CEP57L1: variants seen among roughly 807,000 people sequenced by gnomAD.
CEP57L1 encodes the protein centrosomal protein CEP57L1.
CEP57L1 carries 37 observed loss-of-function variants against 61.0 expected under a neutral mutation model. The observed-to-expected ratio is 0.61, with a 90% confidence interval of 0.47 to 0.80. The LOEUF is 0.80. Ranked by LOEUF, CEP57L1 falls within the 30% of genes least tolerant of loss-of-function variation. The pLI, the probability that CEP57L1 is intolerant of heterozygous loss-of-function variation, is 0.00. For synonymous variants in CEP57L1, 137 were observed against 162.3 expected, an observed-to-expected ratio of 0.84 and a Z score of 1.19; for missense variants, 422 against 524.7, an observed-to-expected ratio of 0.80 and a Z score of 1.91.
intron 1 of CEP57L1, among the ~76,000 whole-genome samples, chr6:109,119,395 G>A (rs758302924): frequency 6.6e-6 from 1 of 152,172 alleles, no homozygotes; most frequent in Non-Finnish European, 1.5e-5. Flanking sequence ...CTAATCAGTG[G>A]TGGTAAGGAT....
chr6:109,155,136 G>C, intron 5 of CEP57L1, 94 bp from the exon 6 acceptor site: 1 of 578,012 alleles, frequency 1.7e-6, no homozygotes, highest in Non-Finnish European at 2.9e-6. Context: ...AAACTCTTAA[G>C]AATCAAGACC....
intron 1 of CEP57L1, among the ~76,000 whole-genome samples, chr6:109,121,397 A>G (rs924458156): frequency 1.3e-5 from 2 of 152,164 alleles, no homozygotes; most frequent in Admixed American, 1.3e-4. Context: ...TTAAGAAAAG[A>G]CTGCTTTTCT....
At chr6:109,155,096 C>A (rs1773081147) in intron 5 of CEP57L1, 134 bp from the exon 6 acceptor site, 2 of 442,604 alleles carry the variant, frequency 4.5e-6, no homozygotes, top group Non-Finnish European at 8.2e-6. Context: ...TTGTGCCATT[C>A]CTTTTTCTTA....
chr6:109,100,824 T>C (rs1782301015), intron 1 of CEP57L1, among the ~76,000 whole-genome samples: 1 of 152,046 alleles, frequency 6.6e-6, no homozygotes, highest in Admixed American at 6.6e-5. Context: ...GTCTGCTTTT[T>C]GGCTGGGCAT....
At chr6:109,148,263 C>T (rs1303711072) in intron 3 of CEP57L1, among the ~76,000 whole-genome samples, 1 of 151,802 alleles carries the variant, frequency 6.6e-6, no homozygotes, top group Non-Finnish European at 1.5e-5. Flanking sequence ...TGCTATCCCT[C>T]CCCTCTCCCC....
chr6:109,155,740 GT>G (rs1483195743), intron 6 of CEP57L1, 50 bp from the exon 7 acceptor site: 1 of 921,686 alleles, frequency 1.1e-6, no homozygotes. Flanking sequence ...TCATTACAGT[GT>G]TTTTGCATGT....
At chr6:109,154,098 T>C in intron 5 of CEP57L1, 149 bp downstream of exon 5, 2 of 558,186 alleles carry the variant, frequency 3.6e-6, no homozygotes, top group South Asian at 2.6e-5. Context: ...ACCTATAGAG[T>C]GAAAAGTTAA....
intron 9 of CEP57L1, among the ~76,000 whole-genome samples, chr6:109,159,995 G>A (rs1682137152): frequency 6.6e-6 from 1 of 152,160 alleles, no homozygotes. Flanking sequence ...TGGCTGGTCT[G>A]CATTACAAAT....
chr6:109,154,355 C>T (rs947453658), intron 5 of CEP57L1, among the ~76,000 whole-genome samples: 3 of 152,122 alleles, frequency 2.0e-5, no homozygotes, highest in African/African-American at 7.2e-5. Context: ...TCCTTGAACT[C>T]TCCAACACTC....
chr6:109,146,567 ATATAT>A (rs1771980550), intron 2 of CEP57L1, among the ~76,000 whole-genome samples, 186 bp from the exon 3 acceptor site: 1 of 151,958 alleles, frequency 6.6e-6, no homozygotes, highest in African/African-American at 2.4e-5. Context: ...TTTTTACAAG[ATATAT>A]TAGAGAGAAA....
At chr6:109,141,052 G>A (rs879575415) in intron 1 of CEP57L1, among the ~76,000 whole-genome samples, 6 of 151,496 alleles carry the variant, frequency 4.0e-5, no homozygotes, top group East Asian at 4.0e-4. Context: ...AGATGGTCTC[G>A]ATCTCCTGAC....
chr6:109,121,627 G>C (rs1191423900), intron 1 of CEP57L1, among the ~76,000 whole-genome samples: 1 of 152,100 alleles, frequency 6.6e-6, no homozygotes, highest in East Asian at 1.9e-4. Flanking sequence ...GTTATGTCTG[G>C]ACAGTTACCA....
intron 7 of CEP57L1, chr6:109,157,815 A>G (rs1421526701): frequency 6.6e-6 from 1 of 152,218 alleles, no homozygotes; most frequent in African/African-American, 2.4e-5. Flanking sequence ...TTAGATGGTA[A>G]CTGACAGCAG....
Position 109,153,211 on chromosome 6 carries a change from T to C in CEP57L1, c.463-622T>C, listed in dbSNP as rs116262182. Among the ~76,000 whole-genome samples the C allele has an allele frequency of 7.6e-3, 1,102 of 145,640 alleles. 19 individuals carry two copies. The highest frequency in any genetic ancestry group is 0.026 in the African/African-American group (1,056 of 40,144). ...GACGAGTTTGTTTCACTGATGCTAATATAACACATCTAATCTGCACTTTTT... is the reference window on the plus strand; with the variant it reads ...GACGAGTTTGTTTCACTGATGCTAACATAACACATCTAATCTGCACTTTTT... On this transcript the variant is annotated intron_variant, in intron 4 of 10. Coordinates refer to ENST00000517392, the MANE Select transcript of CEP57L1 (RefSeq NM_001271852.3).
At chr6:109,158,771 T>G in intron 7 of CEP57L1, 1 of 538,216 alleles carries the variant, frequency 1.9e-6, no homozygotes, top group East Asian at 3.7e-5. Context: ...ATTGTCACTG[T>G]TTTTTATTTT....
At chr6:109,146,208 G>A (rs918223696) in intron 2 of CEP57L1, among the ~76,000 whole-genome samples, 5 of 151,828 alleles carry the variant, frequency 3.3e-5, no homozygotes, top group African/African-American at 1.2e-4. Context: ...AGTCACAGTA[G>A]TATAGAATAC....
intron 1 of CEP57L1, among the ~76,000 whole-genome samples, chr6:109,135,265 C>T (rs148428650): frequency 0.01 from 1,597 of 152,218 alleles, 34 homozygotes; most frequent in African/African-American, 0.036. Context: ...TGCCACACAT[C>T]TACAACTATG....
intron 1 of CEP57L1, among the ~76,000 whole-genome samples, chr6:109,131,725 A>C (rs905135819): frequency 6.6e-6 from 1 of 152,056 alleles, no homozygotes; most frequent in African/African-American, 2.4e-5. Flanking sequence ...ACAGCAAAGT[A>C]AGGTGAAAAT....
Position 109,105,677 on chromosome 6 carries a change from A to G in CEP57L1, c.-4+10102A>G, listed in dbSNP as rs192241367. Among the ~76,000 whole-genome samples the G allele has an allele frequency of 8.7e-4, 133 of 152,264 alleles. No homozygotes were observed. The Middle Eastern group carries it at 0.014, about 16-fold the overall frequency. On this transcript the variant is annotated intron_variant, in intron 1 of 10. Transcript: ENST00000517392. ...ATTTGCCATTATCCCTATGATTCAT[A>G]TAGTTTCTGATGCTATAGTGCACAT...
Sources: allele counts gnomAD v4.1 joint callset (sites outside exome capture counted in the v4.1 genomes callset), GRCh38; gene constraint gnomAD v4.1.1; transcripts MANE v1.5; gene names NCBI Gene and HGNC (gene_info 2026-07-23, HGNC 2026-07-21).